The following RANBP2 variants were observed in gnomAD, a reference collection of about 807,000 sequenced individuals.
The protein encoded by RANBP2 is RAN binding protein 2, also known as E3 SUMO-protein ligase RanBP2.
A neutral mutation model predicts 303.6 loss-of-function variants in RANBP2; 57 were observed. That is an observed-to-expected ratio of 0.19 (90% CI 0.15 to 0.23). The LOEUF (loss-of-function observed/expected upper bound fraction) is 0.23, where lower values mean the gene tolerates loss of function less well. RANBP2 is among the 10% of genes least tolerant of loss of function. RANBP2 has a pLI of 1.00. For synonymous variants in RANBP2, 1,167 were observed against 1,301.5 expected, an observed-to-expected ratio of 0.90 and a Z score of 2.23; for missense variants, 3,138 against 3,780.8, an observed-to-expected ratio of 0.83 and a Z score of 4.46.
the RANBP2 span, among the ~76,000 whole-genome samples, chr2:109,011,113 C>T: frequency 1.3e-5 from 2 of 152,210 alleles, no homozygotes; most frequent in Non-Finnish European, 2.9e-5. Flanking sequence ...TTAGGGTCAC[C>T]TTTCATCACT....
the RANBP2 span, among the ~76,000 whole-genome samples, chr2:109,315,261 G>C: frequency 1.3e-5 from 2 of 152,192 alleles, no homozygotes; most frequent in East Asian, 1.9e-4. Context: ...GCAGAAAGAC[G>C]TGCCCACTGG....
the RANBP2 span, among the ~76,000 whole-genome samples, chr2:109,722,504 T>G: frequency 6.6e-6 from 1 of 152,230 alleles, no homozygotes; most frequent in East Asian, 1.9e-4. Context: ...AAGATCCAAG[T>G]TACATGTGCA....
chr2:109,026,072 A>G, the RANBP2 span, among the ~76,000 whole-genome samples: 25 of 152,178 alleles, frequency 1.6e-4, no homozygotes, highest in Admixed American at 1.3e-3. Flanking sequence ...GAATTGGCTC[A>G]GCACCACCAC....
At chr2:109,214,533 G>C in the RANBP2 span, among the ~76,000 whole-genome samples, 2 of 152,004 alleles carry the variant, frequency 1.3e-5, no homozygotes, top group African/African-American at 4.8e-5. Flanking sequence ...AGACCTGTGA[G>C]ACAAGGACTA....
chr2:109,377,685 C>T, the RANBP2 span, among the ~76,000 whole-genome samples: 1 of 152,136 alleles, frequency 6.6e-6, no homozygotes, highest in Non-Finnish European at 1.5e-5. Flanking sequence ...CTGCTGATGG[C>T]CATTTCCCGT....
At chr2:109,059,720 C>T in the RANBP2 span, among the ~76,000 whole-genome samples, 1 of 152,204 alleles carries the variant, frequency 6.6e-6, no homozygotes, top group Non-Finnish European at 1.5e-5. Context: ...CACAGAGCCA[C>T]CACTCCTGCA....
At chr2:109,449,300 C>A in the RANBP2 span, 2 of 1,607,960 alleles carry the variant, frequency 1.2e-6, no homozygotes, top group Non-Finnish European at 8.5e-7. Context: ...CGCAGCACAG[C>A]CACCAGCCCC....
intron 1 of RANBP2, among the ~76,000 whole-genome samples, chr2:108,720,540 G>A (rs1033356599): frequency 4.6e-5 from 7 of 152,198 alleles, no homozygotes; most frequent in Admixed American, 3.3e-4. Flanking sequence ...AAAGGTGGAT[G>A]TGCGCAGAAT....
the RANBP2 span, among the ~76,000 whole-genome samples, chr2:109,065,403 G>T: frequency 6.6e-6 from 1 of 152,210 alleles, no homozygotes; most frequent in African/African-American, 2.4e-5. Context: ...TGGAGGACAG[G>T]TCCTTGGGGC....
At chr2:109,297,305 C>T in the RANBP2 span, among the ~76,000 whole-genome samples, 2 of 152,130 alleles carry the variant, frequency 1.3e-5, no homozygotes, top group Non-Finnish European at 2.9e-5. Context: ...CTGACTTCTG[C>T]TTCCATCTTC....
chr2:108,931,080 C>T, the RANBP2 span: 32 of 1,538,536 alleles, frequency 2.1e-5, no homozygotes, highest in Non-Finnish European at 2.4e-5. Context: ...GCACCCCAGC[C>T]GGGGGTCTGG....
chr2:108,988,341 C>G, the RANBP2 span, among the ~76,000 whole-genome samples: 7 of 152,190 alleles, frequency 4.6e-5, no homozygotes, highest in African/African-American at 1.4e-4. Flanking sequence ...TCTAGGAGCC[C>G]AACCCACCCC....
At chr2:109,049,813 A>G in the RANBP2 span, among the ~76,000 whole-genome samples, 2 of 152,244 alleles carry the variant, frequency 1.3e-5, no homozygotes, top group African/African-American at 2.4e-5. Context: ...ATGTTGCCAG[A>G]AAAACATCAT....
the RANBP2 span, among the ~76,000 whole-genome samples, chr2:109,635,807 C>T: frequency 2.8e-4 from 42 of 152,314 alleles, no homozygotes; most frequent in African/African-American, 9.9e-4. Flanking sequence ...AAGTTGCAAA[C>T]ATGAATAAGA....
the RANBP2 span, among the ~76,000 whole-genome samples, chr2:108,888,815 ATCTTTATTATT>A: frequency 2.7e-5 from 4 of 150,356 alleles, no homozygotes; most frequent in Non-Finnish European, 5.9e-5. Context: ...TCCTGCTCTG[ATCTTTATTATT>A]TCTTTTTGTC....
chr2:108,823,798 G>A, the RANBP2 span, among the ~76,000 whole-genome samples: 1 of 152,146 alleles, frequency 6.6e-6, no homozygotes. Context: ...TGGCCAATGT[G>A]AAACTCCGTT....
the RANBP2 span, among the ~76,000 whole-genome samples, chr2:109,510,675 T>TTG: frequency 6.6e-6 from 1 of 152,120 alleles, no homozygotes; most frequent in African/African-American, 2.4e-5. Context: ...AAACAGCCAC[T>TTG]TGTGTGTGCC....
chr2:109,107,708 C>T, the RANBP2 span, among the ~76,000 whole-genome samples: 1 of 152,186 alleles, frequency 6.6e-6, no homozygotes, highest in Non-Finnish European at 1.5e-5. Flanking sequence ...GTGTTTTTAG[C>T]TCTGTAAACA....
chr2:109,332,322 GT>G, the RANBP2 span, among the ~76,000 whole-genome samples: 7 of 152,098 alleles, frequency 4.6e-5, no homozygotes, highest in Non-Finnish European at 1.0e-4. Context: ...TCCTGATTCT[GT>G]GTTCTGAGAG....
Sources: allele counts gnomAD v4.1 joint callset (sites outside exome capture counted in the v4.1 genomes callset), GRCh38; gene constraint gnomAD v4.1.1; transcripts MANE v1.5; gene names NCBI Gene and HGNC (gene_info 2026-07-23, HGNC 2026-07-21).